CSMD2: variants seen among roughly 807,000 people sequenced by gnomAD.
CSMD2 encodes the protein CUB and sushi domain-containing protein 2.
Under a neutral mutation model 398.5 loss-of-function variants are expected in CSMD2, and 130 were observed. The ratio of observed to expected loss-of-function variants is 0.33; its 90% CI spans 0.28 to 0.38. The LOEUF is 0.38. Among genes scored for constraint, CSMD2 ranks in the 10% least tolerant of loss-of-function variants. The pLI is 1.00. For missense variants in CSMD2, 3,829 were observed against 4,764.9 expected (o/e 0.80, Z 5.78); for synonymous variants, 1,828 against 1,908.5 (o/e 0.96, Z 1.10).
At position 33,624,892 on chromosome 1, in the gene CSMD2, G is replaced by A. The variant is rs866608565; in HGVS notation, c.5500+159C>T. 3.3e-5 allele frequency among the ~76,000 whole-genome samples: 5 copies of A among 152,142 alleles called. No homozygotes were observed. The highest frequency in any genetic ancestry group is 5.9e-5 in the Non-Finnish European group (4 of 68,010). ...CGGCTGTCTTCACACAGCCCACAGCGCCGGGGACTGGGGTTGACTGGGACA... is the reference window on the plus strand; with the variant it reads ...CGGCTGTCTTCACACAGCCCACAGCACCGGGGACTGGGGTTGACTGGGACA... On this transcript the variant is annotated intron_variant, in intron 34 of 70. Coordinates refer to ENST00000373381, the MANE Select transcript of CSMD2 (RefSeq NM_001281956.2). This position sits in a 1 kb window ranked among gnomAD's most constrained non-coding sequence, Gnocchi z 4.7.
At chr1:33,732,742 C>G (rs1327810188) in intron 15 of CSMD2, among the ~76,000 whole-genome samples, 1 of 151,008 alleles carries the variant, frequency 6.6e-6, no homozygotes, top group Non-Finnish European at 1.5e-5. Context: ...AGCCACTTCT[C>G]CTGACCCTGA....
At chr1:33,671,780 T>C (rs1186045944) in intron 25 of CSMD2, among the ~76,000 whole-genome samples, 2 of 152,104 alleles carry the variant, frequency 1.3e-5, no homozygotes, top group Non-Finnish European at 2.9e-5. Flanking sequence ...GGGAGGACAG[T>C]GGATTTTCAC....
At chr1:33,983,303 T>G (rs1646235989) in intron 3 of CSMD2, among the ~76,000 whole-genome samples, 1 of 152,208 alleles carries the variant, frequency 6.6e-6, no homozygotes. Context: ...CTCAAGGATG[T>G]GGGCAATGCA....
chr1:33,746,167 T>C (rs1647355349), intron 13 of CSMD2, among the ~76,000 whole-genome samples: 1 of 152,202 alleles, frequency 6.6e-6, no homozygotes, highest in Non-Finnish European at 1.5e-5. Flanking sequence ...AAATATTACA[T>C]TAGCACTGAA....
At position 33,998,678 on chromosome 1, in the gene CSMD2, G is replaced by A. The variant is rs544735098; in HGVS notation, c.517+33916C>T. On this transcript the variant is annotated intron_variant, in intron 3 of 70. Transcript: ENST00000373381. ...GTGAAAGAGCCTGGTGTTGTGTCTG[G>A]TACATGGAGGACCAGCTACGTAATC... 2.0e-5 allele frequency among the ~76,000 whole-genome samples: 3 copies of A among 152,306 alleles called. No individual in the cohort carries two copies. In the South Asian group the frequency reaches 6.2e-4, roughly 32 times the overall value.
rs1431995051 is a variant in CSMD2 at position 33,831,999 on chromosome 1, C to T, written c.1034-6225G>A. ...TATATGCACCCAATACAGGAGCACC[C>T]GGGTTCATAAAGCAAGTCCTGAGTG... On this transcript the variant is annotated intron_variant, in intron 6 of 70. Coordinates refer to ENST00000373381, the MANE Select transcript of CSMD2 (RefSeq NM_001281956.2). Among the ~76,000 whole-genome samples the T allele has an allele frequency of 3.9e-5, 6 of 151,996 alleles. No individual in the cohort carries two copies. The East Asian group carries it at 5.8e-4, about 15-fold the overall frequency.
intron 43 of CSMD2, 25 bp downstream of exon 43, chr1:33,602,344 G>A: frequency 6.2e-7 from 1 of 1,611,744 alleles, no homozygotes; most frequent in South Asian, 1.1e-5. Flanking sequence ...TTTCTAATTG[G>A]CTGTTGACAT....
Position 33,515,630 on chromosome 1 carries a change from C to T in CSMD2, c.*994G>A, listed in dbSNP as rs2794600. The T allele has an allele frequency of 0.77, 116,521 of 152,152 alleles. 44,951 individuals carry two copies. Among genetic ancestry groups the T allele is most frequent in the African/African-American group, 0.82 (34,025 of 41,500 alleles). The allele number at this position is 152,152 out of a possible 1,614,324, so 9.4% of individuals were successfully genotyped here. A position where few individuals can be genotyped will look rare whatever the true frequency, so the allele number is the denominator to read the frequency against. On this transcript the variant is annotated 3_prime_UTR_variant, in exon 71 of 71. Transcript: ENST00000373381. ...GTTATTGTGCAGACTAGAAATACTA[C>T]AGGTAAAGTGTCAGGCACAGAGAAT...
chr1:33,539,262 G>A (rs781120711), intron 60 of CSMD2, among the ~76,000 whole-genome samples: 9 of 152,048 alleles, frequency 5.9e-5, no homozygotes, highest in Non-Finnish European at 1.0e-4. Context: ...CACCTCACCC[G>A]GCCAAGAAAG....
At chr1:33,786,080 T>G (rs1230096012) in intron 12 of CSMD2, among the ~76,000 whole-genome samples, 2 of 152,230 alleles carry the variant, frequency 1.3e-5, no homozygotes, top group Non-Finnish European at 2.9e-5. Flanking sequence ...TTCCAGTAGC[T>G]AATTTCTTTT....
intron 25 of CSMD2, among the ~76,000 whole-genome samples, chr1:33,691,415 C>T (rs1645235935): frequency 6.6e-6 from 1 of 152,142 alleles, no homozygotes; most frequent in Non-Finnish European, 1.5e-5. Context: ...ATGTACACTG[C>T]TGACCTTATT....
chr1:34,148,107 G>C (rs1639951216), intron 1 of CSMD2, among the ~76,000 whole-genome samples: 1 of 152,166 alleles, frequency 6.6e-6, no homozygotes, highest in Admixed American at 6.5e-5. Flanking sequence ...GAGGCCCAGG[G>C]ACACTGGGAG....
At chr1:34,030,129 C>A (rs1570875532) in intron 3 of CSMD2, among the ~76,000 whole-genome samples, 1 of 152,204 alleles carries the variant, frequency 6.6e-6, no homozygotes, top group Non-Finnish European at 1.5e-5. Flanking sequence ...ACATGGCAGA[C>A]AAGCCACATG....
intron 49 of CSMD2, 131 bp downstream of exon 49, chr1:33,577,165 A>C: frequency 1.1e-6 from 1 of 870,800 alleles, no homozygotes; most frequent in East Asian, 2.6e-5. Flanking sequence ...AGATCTTGTA[A>C]ATGCTTGTGG....
At chr1:33,886,491 A>T (rs955289210) in intron 5 of CSMD2, among the ~76,000 whole-genome samples, 4 of 152,206 alleles carry the variant, frequency 2.6e-5, no homozygotes, top group African/African-American at 9.7e-5. Flanking sequence ...AGAAAAGAAG[A>T]ATCCAGTTAG....
chr1:33,956,080 C>T (rs759294024), intron 3 of CSMD2, among the ~76,000 whole-genome samples: 5 of 152,114 alleles, frequency 3.3e-5, no homozygotes, highest in Non-Finnish European at 7.4e-5. Flanking sequence ...ACTATGAGAT[C>T]CTGGCTCTGT....
intron 44 of CSMD2, among the ~76,000 whole-genome samples, chr1:33,592,644 A>G (rs1639542286): frequency 6.6e-6 from 1 of 152,154 alleles, no homozygotes; most frequent in South Asian, 2.1e-4. Flanking sequence ...CTAATTGGAT[A>G]ATCACTTTAA....
At chr1:34,126,819 C>T (rs1207105876) in intron 1 of CSMD2, among the ~76,000 whole-genome samples, 1 of 149,972 alleles carries the variant, frequency 6.7e-6, no homozygotes, top group Non-Finnish European at 1.5e-5. Flanking sequence ...GAGAGAGAGA[C>T]ATAGATGGGG....
intron 19 of CSMD2, among the ~76,000 whole-genome samples, chr1:33,722,694 T>C (rs556528894): frequency 1.3e-5 from 2 of 150,584 alleles, no homozygotes; most frequent in East Asian, 2.0e-4. Flanking sequence ...TTTTTTTTTT[T>C]CTATTTAGTA....
Sources: gnomAD v4.1 joint callset for allele counts (sites outside exome capture counted in the v4.1 genomes callset) on GRCh38, gnomAD v4.1.1 for gene constraint, Gnocchi (gnomAD v3.1) non-coding constraint, MANE v1.5 for transcripts, NCBI Gene and HGNC (gene_info 2026-07-23, HGNC 2026-07-21) for gene names.